Variants in IMPG2 observed in about 807,000 individuals in gnomAD.
The protein encoded by IMPG2 is interphotoreceptor matrix proteoglycan 2, also known as IPM 200.
In IMPG2, 91 loss-of-function variants were observed where a neutral mutation model predicts 129.2. The observed-to-expected ratio is 0.70, with a 90% CI of 0.59 to 0.84. The LOEUF (loss-of-function observed/expected upper bound fraction) is 0.84. IMPG2 is among the 40% of genes least tolerant of loss of function. The pLI is 0.00. For missense variants in IMPG2, 1,430 were observed against 1,461.7 expected (o/e 0.98, Z 0.35); for synonymous variants, 510 against 517.7 (o/e 0.99, Z 0.20).
rs181937879 is a variant in IMPG2 at position 101,238,206 on chromosome 3, A to G, written c.3022+4482T>C. On this transcript the variant is annotated intron_variant, in intron 14 of 18. Transcript: ENST00000193391. ...AAAAGGAACAAACAAAGCCTCTGAG[A>G]AATGTGGGACTATGTGAAAGACCAA... Among the ~76,000 whole-genome samples the G allele has an allele frequency of 7.2e-5, 11 of 152,250 alleles. No individual in the cohort carries two copies. In the East Asian group the frequency reaches 2.1e-3, roughly 30 times the overall value.
At chr3:101,307,650 T>C (rs558231171) in intron 2 of IMPG2, among the ~76,000 whole-genome samples, 1 of 152,322 alleles carries the variant, frequency 6.6e-6, no homozygotes, top group South Asian at 2.1e-4. Flanking sequence ...CACAGGGTCC[T>C]GCCTCCAACA....
rs188740247 is a variant in IMPG2 at position 101,226,093 on chromosome 3, C to T, written c.*876G>A. ...CCAAGACATCTTTAGATTTCAGAAG[C>T]AATCAGGGAACCTCAGTCCAGCAAT... On this transcript the variant is annotated 3_prime_UTR_variant, in exon 19 of 19. Coordinates refer to ENST00000193391, the MANE Select transcript of IMPG2 (RefSeq NM_016247.4). 1 of 154,200 alleles carries T rather than the reference C, an allele frequency of 6.5e-6. No individual in the cohort carries two copies. Among genetic ancestry groups the T allele is most frequent in the Admixed American group, 6.6e-5 (1 of 15,218 alleles). The allele number at this position is 154,200 out of a possible 1,614,324, so 9.6% of individuals were successfully genotyped here.
intron 17 of IMPG2, 42 bp downstream of exon 17, chr3:101,229,338 C>T (rs1252931162): frequency 6.7e-7 from 1 of 1,501,168 alleles, no homozygotes; most frequent in South Asian, 1.1e-5. Context: ...ACACACACAC[C>T]AGCAGTAGCT....
At chr3:101,319,356 G>C (rs1415094661) in intron 2 of IMPG2, among the ~76,000 whole-genome samples, 1 of 152,010 alleles carries the variant, frequency 6.6e-6, no homozygotes, top group African/African-American at 2.4e-5. Flanking sequence ...ATTATTAAAT[G>C]ATATTATTGC....
rs79801512 is a variant in IMPG2, at chr3:101,312,154, C to G, written c.334+7430G>C. On this transcript the variant is annotated intron_variant, in intron 2 of 18. Coordinates refer to ENST00000193391, the MANE Select transcript of IMPG2 (RefSeq NM_016247.4). ...CAGCAATGGATTCTTAGTTATGACA[C>G]CAAAGGCTCAAAAAAATAGATAAAT... Among the ~76,000 whole-genome samples, 901 of 151,946 alleles carry G rather than the reference C, an allele frequency of 5.9e-3. 6 individuals carry two copies. Among genetic ancestry groups the G allele is most frequent in the African/African-American group, 0.021 (867 of 41,476 alleles).
At chr3:101,252,060 C>T (rs1424839421) in intron 11 of IMPG2, among the ~76,000 whole-genome samples, 1 of 152,096 alleles carries the variant, frequency 6.6e-6, no homozygotes, top group African/African-American at 2.4e-5. Context: ...GGCGTCAATG[C>T]AAATGAAAGC....
chr3:101,278,054 G>T (rs1212000521), intron 4 of IMPG2, among the ~76,000 whole-genome samples: 1 of 152,152 alleles, frequency 6.6e-6, no homozygotes, highest in African/African-American at 2.4e-5. Flanking sequence ...GGCCAACATG[G>T]TGAAACCCCG....
intron 9 of IMPG2, among the ~76,000 whole-genome samples, chr3:101,264,336 CA>C (rs1706700724): frequency 1.3e-5 from 2 of 151,942 alleles, no homozygotes; most frequent in African/African-American, 4.8e-5. Flanking sequence ...AATAGCCCCT[CA>C]AAAAGATAAT....
intron 9 of IMPG2, 112 bp downstream of exon 9, chr3:101,267,399 G>C: frequency 5.5e-6 from 5 of 902,716 alleles, no homozygotes; most frequent in Non-Finnish European, 9.1e-6. Flanking sequence ...GTCAGACAGT[G>C]ATATTGGAAG....
At chr3:101,278,995 T>C (rs1559651975) in intron 4 of IMPG2, among the ~76,000 whole-genome samples, 1 of 152,110 alleles carries the variant, frequency 6.6e-6, no homozygotes, top group Admixed American at 6.6e-5. Context: ...AGAAGAAACA[T>C]TAACATAATC....
chr3:101,316,352 A>C lies in IMPG2; in HGVS notation c.334+3232T>G, dbSNP rs987454305. On this transcript the variant is annotated intron_variant, in intron 2 of 18. Transcript: ENST00000193391. ...AGATTGCAAGAAAAATGTATGCAAA[A>C]TATATGTTTGACAAAGAACTTAAAT... Among the ~76,000 whole-genome samples the C allele has an allele frequency of 2.0e-5, 3 of 152,098 alleles. No individual in the cohort carries two copies. The South Asian group carries it at 6.2e-4, about 31-fold the overall frequency.
intron 14 of IMPG2, among the ~76,000 whole-genome samples, chr3:101,234,561 A>G (rs1220211719): frequency 6.6e-6 from 1 of 152,202 alleles, no homozygotes; most frequent in Non-Finnish European, 1.5e-5. Flanking sequence ...AAAACATACA[A>G]ATGTGTTGAC....
In IMPG2 at chr3:101,273,610, G is replaced by C. The variant is rs1706810358; in HGVS notation, c.799C>G (p.Gln267Glu). 2 of 1,613,842 alleles carry C rather than the reference G, an allele frequency of 1.2e-6. No homozygotes were observed. Among genetic ancestry groups the C allele is most frequent in the African/African-American group, 2.7e-5 (2 of 74,874 alleles). ...GAAATAAATTCTTCTTCAAGGTGCT[G>C]GTGGTGAAAGCTGGAGGAATCCTGT... is the stretch of plus-strand genomic sequence containing the variant. ...ELQDSSSFHH[Q>E]HLEEEFISEV... is the part of the protein sequence containing the mutation. The change falls in exon 7 of 19, where the codon CAG (glutamine) becomes GAG (glutamate). Residue 267 changes from glutamine (Q) to glutamate (E), a missense_variant. Gln to Glu is a conservative substitution (Grantham distance 29). Transcript: ENST00000193391.
chr3:101,307,132 G>A (rs1707213809), intron 2 of IMPG2, among the ~76,000 whole-genome samples: 2 of 152,182 alleles, frequency 1.3e-5, no homozygotes, highest in African/African-American at 2.4e-5. Flanking sequence ...CAATGAGTAT[G>A]TGAAAAACTG....
intron 3 of IMPG2, 142 bp downstream of exon 3, chr3:101,304,004 C>T (rs1559658308): frequency 1.2e-6 from 1 of 805,774 alleles, no homozygotes; most frequent in South Asian, 1.4e-5. Flanking sequence ...TAGGCCACAC[C>T]CTAGGGCAGC....
chr3:101,279,072 A>G (rs1490892136), intron 4 of IMPG2, among the ~76,000 whole-genome samples: 1 of 152,190 alleles, frequency 6.6e-6, no homozygotes, highest in African/African-American at 2.4e-5. Context: ...CATTTCATAG[A>G]TGAAAGAAAT....
At chr3:101,300,776 A>G (rs1211381994) in intron 3 of IMPG2, among the ~76,000 whole-genome samples, 1 of 152,196 alleles carries the variant, frequency 6.6e-6, no homozygotes, top group Non-Finnish European at 1.5e-5. Context: ...ACAGATTGCC[A>G]CTGCTTCTAG....
chr3:101,276,104 T>C (rs147828732), intron 5 of IMPG2, among the ~76,000 whole-genome samples: 1 of 152,250 alleles, frequency 6.6e-6, no homozygotes, highest in East Asian at 1.9e-4. Flanking sequence ...AGGTTGGAAA[T>C]TGGTTGTGAA....
chr3:101,240,993 C>T (rs1706400979), intron 14 of IMPG2, among the ~76,000 whole-genome samples: 1 of 152,196 alleles, frequency 6.6e-6, no homozygotes, highest in Admixed American at 6.5e-5. Context: ...GTGTTCTCTG[C>T]ATCCAAGGCT....
Sources: allele counts gnomAD v4.1 joint callset (sites outside exome capture counted in the v4.1 genomes callset), GRCh38; gene constraint gnomAD v4.1.1; transcripts MANE v1.5; gene names NCBI Gene and HGNC (gene_info 2026-07-23, HGNC 2026-07-21).